Variants in PDK1 observed in about 807,000 individuals in gnomAD.
The protein encoded by PDK1 is [Pyruvate dehydrogenase (acetyl-transferring)] kinase isozyme 1, mitochondrial.
PDK1 carries 39 observed loss-of-function variants against 54.2 expected under a neutral mutation model. The observed-to-expected ratio is 0.72, with a 90% CI of 0.56 to 0.94. PDK1 has a LOEUF of 0.94. Among genes scored for constraint, PDK1 ranks in the 40% least tolerant of loss-of-function variants. The pLI is 0.00. For missense variants in PDK1, 552 were observed against 566.0 expected, an observed-to-expected ratio of 0.98 and a Z score of 0.25; for synonymous variants, 221 against 207.1, an observed-to-expected ratio of 1.07 and a Z score of -0.58.
At chr2:172,686,211 C>T in the PDK1 span, among the ~76,000 whole-genome samples, 1 of 152,184 alleles carries the variant, frequency 6.6e-6, no homozygotes, top group African/African-American at 2.4e-5. Context: ...AGCCCAGCAC[C>T]TGTGGCAGCC....
At chr2:172,636,313 C>A in the PDK1 span, among the ~76,000 whole-genome samples, 1 of 152,184 alleles carries the variant, frequency 6.6e-6, no homozygotes, top group African/African-American at 2.4e-5. Context: ...CCTGCTTTCA[C>A]TCCCGGAGGA....
chr2:172,608,527 C>T lies in PDK1; in HGVS notation c.*12558C>T, dbSNP rs1691367326. On this transcript the variant is annotated 3_prime_UTR_variant, in exon 11 of 11. Coordinates refer to ENST00000282077, the MANE Select transcript of PDK1 (RefSeq NM_002610.5). ...GTACAACTGTTTATCATTCACTCTG[C>T]TGTAAGTCTATGTGAAACCAAATCC... The T allele has an allele frequency of 6.6e-6, 1 of 152,172 alleles. No homozygotes were observed. Among genetic ancestry groups the T allele is most frequent in the African/African-American group, 2.4e-5 (1 of 41,432 alleles). 9.4% of individuals were successfully genotyped at this position (152,172 alleles called of 1,614,324 possible).
the PDK1 span, among the ~76,000 whole-genome samples, chr2:172,620,366 A>G: frequency 1.1e-4 from 16 of 152,188 alleles, no homozygotes; most frequent in African/African-American, 3.9e-4. Flanking sequence ...AAGAGGACTG[A>G]AACATGGCCA....
At chr2:172,651,861 G>T in the PDK1 span, among the ~76,000 whole-genome samples, 1 of 152,164 alleles carries the variant, frequency 6.6e-6, no homozygotes, top group African/African-American at 2.4e-5. Context: ...AAGACCAGAC[G>T]GATTCACAGC....
chr2:172,683,045 T>C, the PDK1 span, among the ~76,000 whole-genome samples: 8 of 151,878 alleles, frequency 5.3e-5, no homozygotes, highest in Non-Finnish European at 1.2e-4. Context: ...GTTGTGTGCT[T>C]TTTAAAAAAC....
chr2:172,564,523 G>A lies in PDK1; in HGVS notation c.431G>A (p.Arg144Gln), dbSNP rs750309998. Residue 144 changes from arginine to glutamine, a missense_variant, in exon 4 of 11, where the codon CGG (arginine) becomes CAG (glutamine). Transcript: ENST00000282077. ...TTTAGCTTTACAGATACTGTGATAC[G>A]GATCAGAAACCGACACAATGATGTC... ...AIYDFTDTVI[R>Q]IRNRHNDVIP... 7 of 1,613,930 alleles carry A rather than the reference G, an allele frequency of 4.3e-6. No homozygotes were observed. The highest frequency in any genetic ancestry group is 5.9e-6 in the Non-Finnish European group (7 of 1,179,854).
chr2:172,630,188 T>G, the PDK1 span, among the ~76,000 whole-genome samples: 1 of 152,262 alleles, frequency 6.6e-6, no homozygotes, highest in East Asian at 1.9e-4. Context: ...TTTGCTTATT[T>G]ACTTGTGATT....
the PDK1 span, among the ~76,000 whole-genome samples, chr2:172,676,156 T>C: frequency 6.6e-6 from 1 of 152,164 alleles, no homozygotes; most frequent in Non-Finnish European, 1.5e-5. Flanking sequence ...TCAAGGGCTC[T>C]AAGGGAGATG....
intron 10 of PDK1, among the ~76,000 whole-genome samples, chr2:172,594,204 T>C (rs1690766885): frequency 6.6e-6 from 1 of 152,012 alleles, no homozygotes; most frequent in African/African-American, 2.4e-5. Flanking sequence ...TTTGTATTTT[T>C]AGTAGAGATG....
At chr2:172,635,664 G>C in the PDK1 span, among the ~76,000 whole-genome samples, 1 of 152,162 alleles carries the variant, frequency 6.6e-6, no homozygotes, top group African/African-American at 2.4e-5. Flanking sequence ...GCATTTGGGA[G>C]CCTTACAGAC....
chr2:172,648,320 A>G, the PDK1 span, among the ~76,000 whole-genome samples: 1 of 152,228 alleles, frequency 6.6e-6, no homozygotes, highest in Non-Finnish European at 1.5e-5. Context: ...TTAGTTTTGC[A>G]TCTTTTCTGT....
At chr2:172,638,892 A>C in the PDK1 span, among the ~76,000 whole-genome samples, 1 of 152,260 alleles carries the variant, frequency 6.6e-6, no homozygotes, top group Non-Finnish European at 1.5e-5. Context: ...GCATCACACC[A>C]TATCAAGATG....
chr2:172,611,857 G>T (rs968018707), downstream of PDK1, among the ~76,000 whole-genome samples: 1 of 152,230 alleles, frequency 6.6e-6, no homozygotes, highest in Non-Finnish European at 1.5e-5. Flanking sequence ...AAAATAGCTA[G>T]TGGTCCCCAC....
downstream of PDK1, among the ~76,000 whole-genome samples, chr2:172,609,821 TTTTTG>T (rs1371015191): frequency 2.0e-5 from 3 of 152,118 alleles, no homozygotes; most frequent in African/African-American, 7.2e-5. Flanking sequence ...CTCACTACTT[TTTTTG>T]TTTTGTTTTG....
In PDK1 at chr2:172,583,281, G is replaced by GTTTTTTTTTTTTTT. The variant is rs1175087926; in HGVS notation, c.946-2979_946-2966dup. Among the ~76,000 whole-genome samples, 25 of 77,076 alleles carry GTTTTTTTTTTTTTT rather than the reference G, an allele frequency of 3.2e-4. 1 individual carries two copies. Among genetic ancestry groups the GTTTTTTTTTTTTTT allele is most frequent in the African/African-American group, 1.2e-3 (22 of 18,482 alleles). 50.6% of individuals were successfully genotyped at this position (77,076 alleles called of 152,430 possible). On this transcript the variant is annotated intron_variant, in intron 8 of 10. Transcript: ENST00000282077. ...CATAATGCTGCATAAAAGTTTTCTG[G>GTTTTTTTTTTTTTT]TTTTTTTTTTTTTTTTTTTTTTTTT... is the stretch of plus-strand genomic sequence containing the variant.
chr2:172,582,025 GTC>G, intron 8 of PDK1, among the ~76,000 whole-genome samples: 1 of 152,000 alleles, frequency 6.6e-6, no homozygotes. Context: ...CAATTCTCCT[GTC>G]TCAGCCTCCC....
rs1401590096 is a variant in PDK1 at position 172,568,730 on chromosome 2, C to G, written c.770-11C>G. 5.8e-6 allele frequency: 9 copies of G among 1,558,218 alleles called. No individual in the cohort carries two copies. Among genetic ancestry groups the G allele is most frequent in the Admixed American group, 1.7e-5 (1 of 59,912 alleles). On this transcript the variant is annotated splice_polypyrimidine_tract_variant and intron_variant, in intron 6 of 10. Transcript: ENST00000282077. ...CTCTGTACTTTCATATTTTTCTCTT[C>G]TGCTCTGTAGCAAAATCACCAGGAC...
At chr2:172,627,590 AGAT>A in the PDK1 span, among the ~76,000 whole-genome samples, 11 of 152,286 alleles carry the variant, frequency 7.2e-5, no homozygotes, top group African/African-American at 2.6e-4. Context: ...ATCAGATGTG[AGAT>A]GGAGTAAGGA....
chr2:172,578,619 G>GT lies in PDK1; in HGVS notation c.946-7652dup, dbSNP rs1343420154. Among the ~76,000 whole-genome samples, 7 of 149,830 alleles carry GT rather than the reference G, an allele frequency of 4.7e-5. No homozygotes were observed. In the South Asian group the frequency reaches 8.4e-4, roughly 18 times the overall value. ...GCCTGTGTATGGGCAATACTTTTTT[G>GT]TTTTTTTCATATCTTGTTATTTTTA... On this transcript the variant is annotated intron_variant, in intron 8 of 10. Coordinates refer to ENST00000282077, the MANE Select transcript of PDK1 (RefSeq NM_002610.5).
Sources: allele counts gnomAD v4.1 joint callset (sites outside exome capture counted in the v4.1 genomes callset), GRCh38; gene constraint gnomAD v4.1.1; transcripts MANE v1.5; gene names NCBI Gene and HGNC (gene_info 2026-07-23, HGNC 2026-07-21).